The following CFTR variants were observed in gnomAD, a reference collection of about 807,000 sequenced individuals.
CFTR encodes CF transmembrane conductance regulator.
CFTR carries 181 observed loss-of-function variants against 171.6 expected under a neutral mutation model. That is an observed-to-expected ratio of 1.05 (90% CI 0.93 to 1.19). The LOEUF (loss-of-function observed/expected upper bound fraction) is 1.19, where lower values mean the gene tolerates loss of function less well. CFTR is among the 50% of genes most tolerant of loss of function. CFTR has a pLI of 0.00. For synonymous variants in CFTR, 583 were observed against 608.0 expected (o/e 0.96, Z 0.60); for missense variants, 1,968 against 1,734.7 (o/e 1.13, Z -2.39).
intron 21 of CFTR, among the ~76,000 whole-genome samples, chr7:117,617,393 G>A (rs1792507528): frequency 6.6e-6 from 1 of 151,166 alleles, no homozygotes; most frequent in Non-Finnish European, 1.5e-5. Context: ...GTTGCATTGT[G>A]TTTATGATCA....
chr7:117,510,194 TA>T (rs1798493006), intron 3 of CFTR, among the ~76,000 whole-genome samples: 1 of 152,108 alleles, frequency 6.6e-6, no homozygotes, highest in South Asian at 2.1e-4. Context: ...CATTTGGGGG[TA>T]AAAAGTATTT....
At position 117,503,550 on chromosome 7, in the gene CFTR, G is replaced by T. The variant is rs559062712; in HGVS notation, c.54-703G>T. 1.6e-4 allele frequency among the ~76,000 whole-genome samples: 24 copies of T among 152,078 alleles called. No individual in the cohort carries two copies. In the South Asian group the frequency reaches 1.9e-3, roughly 12 times the overall value. ...AACAATATTTTTGAAAATCACTACG[G>T]TATCCTGCATAGTGATTTCCCATGC... On this transcript the variant is annotated intron_variant, in intron 1 of 26. Coordinates refer to ENST00000003084, the MANE Select transcript of CFTR (RefSeq NM_000492.4).
At chr7:117,581,374 C>T (rs2116000281) in intron 11 of CFTR, among the ~76,000 whole-genome samples, 1 of 152,204 alleles carries the variant, frequency 6.6e-6, no homozygotes, top group East Asian at 1.9e-4. Context: ...GTGATCAGGC[C>T]TTAAAAATCT....
chr7:117,552,090 A>G (rs1246172843), intron 10 of CFTR, among the ~76,000 whole-genome samples: 1 of 150,294 alleles, frequency 6.7e-6, no homozygotes, highest in Non-Finnish European at 1.5e-5. Flanking sequence ...ACACACATAT[A>G]TATATGACAC....
intron 23 of CFTR, among the ~76,000 whole-genome samples, chr7:117,645,221 A>G (rs1792980632): frequency 6.6e-6 from 1 of 152,170 alleles, no homozygotes; most frequent in African/African-American, 2.4e-5. Flanking sequence ...ATAATAATTA[A>G]CAACTTAATA....
In CFTR at chr7:117,599,533, C is replaced by T. The variant is rs1049410957; in HGVS notation, c.2620-3293C>T. 1.1e-4 allele frequency among the ~76,000 whole-genome samples: 17 copies of T among 151,998 alleles called. No individual in the cohort carries two copies. In the South Asian group the frequency reaches 1.7e-3, roughly 15 times the overall value. ...ATTTATTGAACTGTCACAATTATTG[C>T]AAAAAATTACCTTTTAGTGGACAAA... On this transcript the variant is annotated intron_variant, in intron 15 of 26. Transcript: ENST00000003084.
chr7:117,541,473 C>T (rs903444407), intron 8 of CFTR, among the ~76,000 whole-genome samples: 1 of 152,120 alleles, frequency 6.6e-6, no homozygotes, highest in Non-Finnish European at 1.5e-5. Context: ...TTAATTCTTC[C>T]TTATGCTCCT....
rs1238562012 is a variant in CFTR, at chr7:117,505,325, A to G, written c.164+962A>G. ...AAAGGTTAGGATCCTTTTGATTGCC[A>G]GTGACAGAAACCCAATTTACTAGCT... On this transcript the variant is annotated intron_variant, in intron 2 of 26. Coordinates refer to ENST00000003084, the MANE Select transcript of CFTR (RefSeq NM_000492.4). Among the ~76,000 whole-genome samples the G allele has an allele frequency of 3.3e-5, 5 of 152,240 alleles. No homozygotes were observed. In the East Asian group the frequency reaches 5.8e-4, roughly 18 times the overall value.
In CFTR at chr7:117,504,343, T is replaced by G. The variant is rs771701007; in HGVS notation, c.144T>G (p.Asn48Lys). ...YQIPSVDSAD[N>K]LSEKLEREWD... ...TCCCTTCTGTTGATTCTGCTGACAA[T>G]CTATCTGAAAAATTGGAAAGGTATG... is the stretch of plus-strand genomic sequence containing the variant. The change falls in exon 2 of 27, where the codon AAT becomes AAG. Residue 48 changes from asparagine to lysine, a missense_variant. Physicochemically the swap from Asn to Lys is moderately conservative, Grantham distance 94. Transcript: ENST00000003084. 1 of 1,593,150 alleles carries G rather than the reference T, an allele frequency of 6.3e-7. No individual in the cohort carries two copies. Among genetic ancestry groups the G allele is most frequent in the Non-Finnish European group, 8.6e-7 (1 of 1,161,004 alleles).
intron 21 of CFTR, among the ~76,000 whole-genome samples, chr7:117,621,385 C>G (rs1011129185): frequency 6.6e-6 from 1 of 152,082 alleles, no homozygotes; most frequent in Non-Finnish European, 1.5e-5. Context: ...TGGGCTGTAT[C>G]GTCTTTATGA....
At chr7:117,606,267 AG>A (rs1461472725) in intron 17 of CFTR, among the ~76,000 whole-genome samples, 5 of 152,170 alleles carry the variant, frequency 3.3e-5, no homozygotes, top group Non-Finnish European at 7.4e-5. Flanking sequence ...TCAGAGGAGA[AG>A]GAGACCCCTA....
chr7:117,498,842 A>C (rs1476265837), intron 1 of CFTR, among the ~76,000 whole-genome samples: 1 of 140,744 alleles, frequency 7.1e-6, no homozygotes, highest in Admixed American at 7.3e-5. Context: ...GGTTAGGACT[A>C]TCCAGATTGT....
In CFTR at chr7:117,611,618, A is replaced by G. The variant is rs1800113; in HGVS notation, c.3177A>G (p.Leu1059=). 1.1e-4 allele frequency: 172 copies of G among 1,613,126 alleles called. No individual in the cohort carries two copies. Among genetic ancestry groups the G allele is most frequent in the Non-Finnish European group, 1.4e-4 (163 of 1,179,322 alleles). Residue 1059 remains leucine, a synonymous_variant, in exon 20 of 27, where the codon TTA becomes TTG. Coordinates refer to ENST00000003084, the MANE Select transcript of CFTR (RefSeq NM_000492.4). ...SPIFTHLVTS[L]KGLWTLRAFG... is the part of the protein sequence containing the mutation. ...TTTTCACTCATCTTGTTACAAGCTTAAAAGGACTATGGACACTTCGTGCCT... is the reference window on the plus strand; with the variant it reads ...TTTTCACTCATCTTGTTACAAGCTTGAAAGGACTATGGACACTTCGTGCCT...
intron 3 of CFTR, among the ~76,000 whole-genome samples, chr7:117,517,622 G>C (rs1262222578): frequency 7.9e-5 from 12 of 152,098 alleles, no homozygotes; most frequent in Admixed American, 7.9e-4. Context: ...GATTCTTGAG[G>C]AATCGCCACA....
At chr7:117,538,035 T>A (rs147247995) in intron 7 of CFTR, among the ~76,000 whole-genome samples, 2 of 152,328 alleles carry the variant, frequency 1.3e-5, no homozygotes, top group African/African-American at 4.8e-5. Flanking sequence ...TCCCTCTTCC[T>A]CAAAAGATGA....
chr7:117,608,406 C>T (rs1354699948), intron 18 of CFTR, among the ~76,000 whole-genome samples: 2 of 151,962 alleles, frequency 1.3e-5, no homozygotes, highest in Admixed American at 6.6e-5. Context: ...GGTTTCACCA[C>T]GTTGGCCAGG....
chr7:117,548,142 A>G (rs550102251), intron 9 of CFTR, among the ~76,000 whole-genome samples: 1 of 152,316 alleles, frequency 6.6e-6, no homozygotes, highest in Admixed American at 6.5e-5. Context: ...TGAGCTTCTC[A>G]GAGGAGGGTG....
intron 15 of CFTR, among the ~76,000 whole-genome samples, chr7:117,597,267 C>G (rs985312463): frequency 2.0e-5 from 3 of 152,118 alleles, no homozygotes; most frequent in Non-Finnish European, 4.4e-5. Flanking sequence ...CTAACACATC[C>G]GAACATCAGA....
At chr7:117,645,378 C>T (rs1410215480) in intron 23 of CFTR, among the ~76,000 whole-genome samples, 1 of 152,178 alleles carries the variant, frequency 6.6e-6, no homozygotes, top group African/African-American at 2.4e-5. Context: ...TTCAAAATTA[C>T]ACTCATTGTC....
Sources: gnomAD v4.1 joint callset for allele counts (sites outside exome capture counted in the v4.1 genomes callset) on GRCh38, gnomAD v4.1.1 for gene constraint, MANE v1.5 for transcripts, NCBI Gene and HGNC (gene_info 2026-07-23, HGNC 2026-07-21) for gene names.